Variants in PCGF5 observed in about 807,000 individuals in gnomAD.
PCGF5 encodes polycomb group RING finger protein 5.
In PCGF5, 9 loss-of-function variants were observed where a neutral mutation model predicts 44.3. The ratio of observed to expected loss-of-function variants is 0.20; its 90% CI spans 0.12 to 0.35. PCGF5 has a LOEUF of 0.35. Among genes scored for constraint, PCGF5 ranks in the 10% least tolerant of loss-of-function variants. The pLI is 1.00. For synonymous variants in PCGF5, 95 were observed against 102.5 expected (o/e 0.93, Z 0.44); for missense variants, 146 against 305.3 (o/e 0.48, Z 3.89).
intron 8 of PCGF5, among the ~76,000 whole-genome samples, chr10:91,267,440 C>T (rs1846073494): frequency 6.6e-6 from 1 of 152,062 alleles, no homozygotes; most frequent in African/African-American, 2.4e-5. Flanking sequence ...TTTGTTTGTT[C>T]ACTGCTAAAT....
intron 6 of PCGF5, among the ~76,000 whole-genome samples, chr10:91,256,738 G>T (rs1845761898): frequency 6.6e-6 from 1 of 152,062 alleles, no homozygotes; most frequent in Non-Finnish European, 1.5e-5. Flanking sequence ...GTTAGTAGCT[G>T]ATTTCTCACC....
chr10:91,174,219 T>G (rs1022105480), intron 1 of PCGF5, among the ~76,000 whole-genome samples: 2 of 151,920 alleles, frequency 1.3e-5, no homozygotes, highest in Non-Finnish European at 2.9e-5. Flanking sequence ...AAAGTCTGTA[T>G]TTTTAGGCTG....
intron 2 of PCGF5, among the ~76,000 whole-genome samples, chr10:91,225,758 A>T (rs1020968249): frequency 1.3e-5 from 2 of 152,120 alleles, no homozygotes; most frequent in Non-Finnish European, 2.9e-5. Context: ...TGCAAGTGGG[A>T]TAGTTTTTGC....
chr10:91,246,944 CAGATAGAT>C (rs200707971), intron 3 of PCGF5, among the ~76,000 whole-genome samples: 21 of 147,666 alleles, frequency 1.4e-4, no homozygotes, highest in African/African-American at 4.3e-4. Context: ...TATAGTCAGG[CAGATAGAT>C]AGATGGATAG....
intron 1 of PCGF5, among the ~76,000 whole-genome samples, chr10:91,221,405 T>A (rs7095990): frequency 1 from 152,324 of 152,324 alleles, 76,162 homozygotes; most frequent in Non-Finnish European, 1. Flanking sequence ...AGACCCAGGC[T>A]CAGATATGAA....
intron 8 of PCGF5, among the ~76,000 whole-genome samples, chr10:91,270,753 G>C (rs1846159129): frequency 6.6e-6 from 1 of 152,000 alleles, no homozygotes; most frequent in African/African-American, 2.4e-5. Context: ...TGGTTAATTT[G>C]TACCTTATAT....
chr10:91,222,070 T>G (rs1290110276), intron 1 of PCGF5, among the ~76,000 whole-genome samples: 2 of 152,166 alleles, frequency 1.3e-5, no homozygotes, highest in African/African-American at 2.4e-5. Context: ...TATATTAAGG[T>G]TAACCTGTAG....
At chr10:91,202,685 A>G (rs1205080701) in intron 1 of PCGF5, among the ~76,000 whole-genome samples, 1 of 152,204 alleles carries the variant, frequency 6.6e-6, no homozygotes. Context: ...GTTTCAGTAA[A>G]TAGAGGTTAT....
intron 1 of PCGF5, among the ~76,000 whole-genome samples, chr10:91,212,498 G>C (rs183066441): frequency 6.6e-6 from 1 of 152,342 alleles, no homozygotes; most frequent in Admixed American, 6.5e-5. Flanking sequence ...TTGACCAGAA[G>C]TAGCTGGAAG....
chr10:91,251,883 A>G (rs991481636), intron 6 of PCGF5, among the ~76,000 whole-genome samples: 1 of 151,994 alleles, frequency 6.6e-6, no homozygotes, highest in African/African-American at 2.4e-5. Flanking sequence ...TGAATAATTT[A>G]ATCAATTAGT....
chr10:91,229,470 C>T (rs1025477433), intron 2 of PCGF5, among the ~76,000 whole-genome samples: 3 of 152,112 alleles, frequency 2.0e-5, no homozygotes, highest in African/African-American at 7.2e-5. Flanking sequence ...AGAGGTAAGA[C>T]TGAGAGAGGT....
chr10:91,240,968 T>C (rs1845308714), intron 3 of PCGF5, among the ~76,000 whole-genome samples: 1 of 150,822 alleles, frequency 6.6e-6, no homozygotes, highest in Admixed American at 6.6e-5. Flanking sequence ...AAAAAGTATA[T>C]AAACATTTAT....
At chr10:91,224,020 C>T (rs1363159764) in intron 2 of PCGF5, among the ~76,000 whole-genome samples, 1 of 151,802 alleles carries the variant, frequency 6.6e-6, no homozygotes, top group Non-Finnish European at 1.5e-5. Context: ...TAATGTTATA[C>T]CAGTAGTTTT....
At position 91,192,492 on chromosome 10, in the gene PCGF5, A is replaced by G. The variant is rs923525521; in HGVS notation, c.-184+29411A>G. 2.6e-5 allele frequency among the ~76,000 whole-genome samples: 4 copies of G among 152,218 alleles called. 1 individual carries two copies. The South Asian group carries it at 8.3e-4, about 32-fold the overall frequency. On this transcript the variant is annotated intron_variant, in intron 1 of 9. Transcript: ENST00000614189. ...CCATCTTGCTCATCGTCAATTAAGA[A>G]TCTTTATTCTAATTAGCATTTTCAA... is the stretch of plus-strand genomic sequence containing the variant.
intron 1 of PCGF5, among the ~76,000 whole-genome samples, chr10:91,178,919 T>C (rs1843765687): frequency 6.6e-6 from 1 of 152,248 alleles, no homozygotes; most frequent in Admixed American, 6.5e-5. Flanking sequence ...CCTCTACAAC[T>C]GATTTCAGCA....
At chr10:91,258,908 G>A (rs1378473004) in intron 6 of PCGF5, among the ~76,000 whole-genome samples, 3 of 152,164 alleles carry the variant, frequency 2.0e-5, no homozygotes, top group African/African-American at 7.2e-5. Flanking sequence ...AACATTGACT[G>A]AACAGTTGTG....
chr10:91,260,693 A>G (rs2133411679), intron 6 of PCGF5, among the ~76,000 whole-genome samples: 1 of 152,108 alleles, frequency 6.6e-6, no homozygotes, highest in East Asian at 1.9e-4. Flanking sequence ...CATCATTCTC[A>G]GCAAACTATC....
At chr10:91,219,960 A>G (rs1844623535), upstream of PCGF5, among the ~76,000 whole-genome samples, 3 of 152,096 alleles carry the variant, frequency 2.0e-5, no homozygotes, top group Non-Finnish European at 4.4e-5. Flanking sequence ...CCTACCCTCT[A>G]TTATTGTCAT....
chr10:91,227,405 G>A (rs1308884198), intron 2 of PCGF5: 2 of 1,289,322 alleles, frequency 1.6e-6, no homozygotes, highest in Admixed American at 4.6e-5. Flanking sequence ...ATCTACGAAT[G>A]ATCAAATGGG....
Sources: allele counts gnomAD v4.1 joint callset (sites outside exome capture counted in the v4.1 genomes callset), GRCh38; gene constraint gnomAD v4.1.1; transcripts MANE v1.5; gene names NCBI Gene and HGNC (gene_info 2026-07-23, HGNC 2026-07-21).